Variants in PPP5C observed in about 807,000 individuals in gnomAD.
PPP5C encodes the protein protein phosphatase 5 catalytic subunit.
A neutral mutation model predicts 66.7 loss-of-function variants in PPP5C; 21 were observed. That is an observed-to-expected ratio of 0.31 (90% CI 0.22 to 0.45). The LOEUF (loss-of-function observed/expected upper bound fraction) is 0.45. Ranked by LOEUF, PPP5C falls within the 20% of genes least tolerant of loss-of-function variation. The probability of loss-of-function intolerance (pLI) is 1.00; values close to 1 mark genes in which losing one functional copy is unlikely to be tolerated. For missense variants in PPP5C, 464 were observed against 675.9 expected (o/e 0.69, Z 3.48); for synonymous variants, 246 against 257.4 (o/e 0.96, Z 0.43).
chr19:46,347,389 G>A (rs1474898936), intron 1 of PPP5C, among the ~76,000 whole-genome samples, 172 bp downstream of exon 1: 1 of 152,122 alleles, frequency 6.6e-6, no homozygotes, highest in African/African-American at 2.4e-5. Flanking sequence ...AGGGGGCTTC[G>A]GAGAGTGATA....
At chr19:46,372,802 A>G (rs548900619) in intron 2 of PPP5C, among the ~76,000 whole-genome samples, 14 of 152,296 alleles carry the variant, frequency 9.2e-5, no homozygotes, top group African/African-American at 2.6e-4. Context: ...CCTTGATACA[A>G]TCCAACTGCC....
rs558229828 is a variant in PPP5C, at chr19:46,368,495, C to A, written c.364-7109C>A. Among the ~76,000 whole-genome samples the A allele has an allele frequency of 1.1e-4, 17 of 152,306 alleles. No homozygotes were observed. In the East Asian group the frequency reaches 3.3e-3, roughly 29 times the overall value. ...GTCCTTCAGCCCTGGGTTACAGTTT[C>A]CTTCACAGGGATCTTTTCTTTTTAA... On this transcript the variant is annotated intron_variant, in intron 2 of 12. Coordinates refer to ENST00000012443, the MANE Select transcript of PPP5C (RefSeq NM_006247.4).
At chr19:46,364,011 C>G (rs1384791065) in intron 2 of PPP5C, among the ~76,000 whole-genome samples, 1 of 152,134 alleles carries the variant, frequency 6.6e-6, no homozygotes, top group Non-Finnish European at 1.5e-5. Context: ...GAAGGAGGGA[C>G]AGACAGCGGT....
intron 2 of PPP5C, among the ~76,000 whole-genome samples, chr19:46,357,665 A>G (rs1423986283): frequency 1.3e-5 from 2 of 152,178 alleles, no homozygotes; most frequent in East Asian, 1.9e-4. Context: ...CTTGGGTTCA[A>G]TTAATTTGCT....
At chr19:46,386,186 G>C (rs1301932567) in intron 7 of PPP5C, among the ~76,000 whole-genome samples, 3 of 152,134 alleles carry the variant, frequency 2.0e-5, no homozygotes, top group Non-Finnish European at 4.4e-5. Flanking sequence ...ATGTGGGTGG[G>C]GTTCCAAGGG....
intron 2 of PPP5C, among the ~76,000 whole-genome samples, chr19:46,359,202 AG>A (rs1972339075): frequency 6.6e-6 from 1 of 152,126 alleles, no homozygotes; most frequent in African/African-American, 2.4e-5. Context: ...AAGCTGAAGT[AG>A]GATGGCCTCA....
intron 2 of PPP5C, among the ~76,000 whole-genome samples, chr19:46,358,980 A>G (rs535091620): frequency 4.6e-5 from 7 of 152,264 alleles, no homozygotes; most frequent in Admixed American, 6.5e-5. Context: ...TCTAGGCTCA[A>G]TCATTTAAAG....
chr19:46,389,359 CAA>C (rs1286606725), intron 11 of PPP5C, among the ~76,000 whole-genome samples: 1 of 126,114 alleles, frequency 7.9e-6, no homozygotes, highest in Non-Finnish European at 1.6e-5. Flanking sequence ...GACTCCATCT[CAA>C]AACACACACA....
At chr19:46,386,987 T>G (rs1408488842) in intron 7 of PPP5C, 106 bp from the exon 8 acceptor site, 2 of 1,520,018 alleles carry the variant, frequency 1.3e-6, no homozygotes, top group Non-Finnish European at 1.8e-6. Flanking sequence ...GCGAGGCCCA[T>G]GGGGGCAAGG....
chr19:46,363,714 C>T (rs1010153543), intron 2 of PPP5C, among the ~76,000 whole-genome samples: 12 of 152,178 alleles, frequency 7.9e-5, no homozygotes, highest in Non-Finnish European at 1.5e-4. Flanking sequence ...CAGGCATGAG[C>T]CACTGCACCT....
Position 46,390,092 on chromosome 19 carries a change from G to A in PPP5C, c.1397G>A (p.Gly466Asp). 1 of 1,614,142 alleles carries A rather than the reference G, an allele frequency of 6.2e-7. No individual in the cohort carries two copies. The highest frequency in any genetic ancestry group is 8.5e-7 in the Non-Finnish European group (1 of 1,180,010). The change falls in exon 12 of 13, where the codon GGC (glycine) becomes GAC (aspartate). Residue 466 changes from glycine (G) to aspartate (D), a missense_variant. By Grantham distance (94) the Gly-to-Asp change is moderately conservative. Around this residue, in one of 2 missense-constraint regions of PPP5C, gnomAD observed 387 missense variants for 626.0 expected, o/e 0.62. Coordinates refer to ENST00000012443, the MANE Select transcript of PPP5C (RefSeq NM_006247.4). ...GNKASYIHLQ[G>D]SDLRPQFHQF... ...AAAGCCTCCTACATCCACCTCCAGG[G>A]CTCTGACCTACGGCCTCAGTTCCAC...
Position 46,390,090 on chromosome 19 carries a change from G to A in PPP5C, c.1395G>A (p.Gln465=). The change falls in exon 12 of 13, where the codon CAG becomes CAA. Residue 465 remains glutamine, a synonymous_variant. Coordinates refer to ENST00000012443, the MANE Select transcript of PPP5C (RefSeq NM_006247.4). Reference sequence around the variant, plus strand: ...ACAAAGCCTCCTACATCCACCTCCAGGGCTCTGACCTACGGCCTCAGTTCC... The same window carrying A: ...ACAAAGCCTCCTACATCCACCTCCAAGGCTCTGACCTACGGCCTCAGTTCC... ...MGNKASYIHL[Q]GSDLRPQFHQ... is the part of the protein sequence containing the mutation. 3.7e-6 allele frequency: 6 copies of A among 1,614,104 alleles called. No individual in the cohort carries two copies. The highest frequency in any genetic ancestry group is 5.1e-6 in the Non-Finnish European group (6 of 1,179,988).
In PPP5C at chr19:46,383,178, G is replaced by A. The variant is rs763853776; in HGVS notation, c.634-233G>A. 5 of 1,487,872 alleles carry A rather than the reference G, an allele frequency of 3.4e-6. No individual in the cohort carries two copies. The highest frequency in any genetic ancestry group is 4.5e-6 in the Non-Finnish European group (5 of 1,116,210). The allele number at this position is 1,487,872 out of a possible 1,614,324, so 92.2% of individuals were successfully genotyped here. On this transcript the variant is annotated intron_variant, in intron 4 of 12. Transcript: ENST00000012443. The surrounding 1 kb of genome is among the most constrained non-coding windows in gnomAD (Gnocchi z 5.0). ...TATTTTAAGATAATTCAAGAATCAG[G>A]TTTTCGTACAAAACAATCGCAATGC...
chr19:46,363,410 G>A (rs903319032), intron 2 of PPP5C, among the ~76,000 whole-genome samples: 13 of 138,500 alleles, frequency 9.4e-5, no homozygotes, highest in African/African-American at 3.2e-4. Context: ...TGTGAACTTG[G>A]AAAATCTTTG....
intron 4 of PPP5C, among the ~76,000 whole-genome samples, chr19:46,377,819 G>C (rs1972723104): frequency 6.6e-6 from 1 of 152,250 alleles, no homozygotes; most frequent in African/African-American, 2.4e-5. Flanking sequence ...TGGATGTTGT[G>C]TATATCGGTA....
chr19:46,388,352 G>A lies in PPP5C; in HGVS notation c.1136-56G>A. 2 of 1,553,316 alleles carry A rather than the reference G, an allele frequency of 1.3e-6. No homozygotes were observed. The highest frequency in any genetic ancestry group is 1.8e-6 in the Non-Finnish European group (2 of 1,142,420). Reference sequence around the variant, plus strand: ...GGCCGGGCCAGGAGGTGGCCTGTGAGTGACCACCCCCGGGGAGGTGGACGA... The same window carrying A: ...GGCCGGGCCAGGAGGTGGCCTGTGAATGACCACCCCCGGGGAGGTGGACGA... On this transcript the variant is annotated intron_variant, in intron 9 of 12. Coordinates refer to ENST00000012443, the MANE Select transcript of PPP5C (RefSeq NM_006247.4). This position sits in a 1 kb window ranked among gnomAD's most constrained non-coding sequence, Gnocchi z 4.9.
At chr19:46,387,047 A>G (rs377278255) in intron 7 of PPP5C, 46 bp from the exon 8 acceptor site, 57 of 1,613,762 alleles carry the variant, frequency 3.5e-5, no homozygotes, top group Non-Finnish European at 3.6e-5. Flanking sequence ...GAGGACACTG[A>G]TGTACCTGGA....
At chr19:46,359,328 C>G (rs1431677861) in intron 2 of PPP5C, among the ~76,000 whole-genome samples, 1 of 151,838 alleles carries the variant, frequency 6.6e-6, no homozygotes, top group Non-Finnish European at 1.5e-5. Flanking sequence ...GGAAGTAAAA[C>G]AAGAAGATTA....
At position 46,387,253 on chromosome 19, in the gene PPP5C, C is replaced by G. The variant is rs984829472; in HGVS notation, c.1047+18C>G. ...AAGTGCTGGTGAGGACGGCGCGAGC[C>G]CTGAGTGTGGGTTCCCCACCCAGCC... is the stretch of plus-strand genomic sequence containing the variant. On this transcript the variant is annotated intron_variant, in intron 8 of 12. Transcript: ENST00000012443. 10 of 1,613,982 alleles carry G rather than the reference C, an allele frequency of 6.2e-6. No individual in the cohort carries two copies. Among genetic ancestry groups the G allele is most frequent in the Non-Finnish European group, 7.6e-6 (9 of 1,179,998 alleles).
Sources: gnomAD v4.1 joint callset for allele counts (sites outside exome capture counted in the v4.1 genomes callset) on GRCh38, gnomAD v4.1.1 for gene constraint, gnomAD v4.1.1 regional missense constraint, Gnocchi (gnomAD v3.1) non-coding constraint, MANE v1.5 for transcripts, NCBI Gene and HGNC (gene_info 2026-07-23, HGNC 2026-07-21) for gene names.